The following GTF2F2 variants were observed in gnomAD, a reference collection of about 807,000 sequenced individuals.
The protein encoded by GTF2F2 is ATP-dependent helicase GTF2F2.
Under a neutral mutation model 42.2 loss-of-function variants are expected in GTF2F2, and 23 were observed. The observed-to-expected ratio is 0.55, with a 90% CI of 0.39 to 0.77. GTF2F2 has a LOEUF of 0.77. Ranked by LOEUF, GTF2F2 falls within the 30% of genes least tolerant of loss-of-function variation. The pLI, the probability that GTF2F2 is intolerant of heterozygous loss-of-function variation, is 0.00. For synonymous variants in GTF2F2, 105 were observed against 100.8 expected (o/e 1.04, Z -0.25); for missense variants, 261 against 287.2 (o/e 0.91, Z 0.66).
intron 6 of GTF2F2, among the ~76,000 whole-genome samples, chr13:45,254,936 G>A (rs1292912226): frequency 1.3e-5 from 2 of 152,042 alleles, no homozygotes; most frequent in Non-Finnish European, 2.9e-5. Flanking sequence ...GGAGGCCAAG[G>A]CAGGTGGATC....
At chr13:45,236,086 C>A (rs1159946441) in intron 5 of GTF2F2, among the ~76,000 whole-genome samples, 4 of 152,082 alleles carry the variant, frequency 2.6e-5, no homozygotes, top group Non-Finnish European at 4.4e-5. Flanking sequence ...ATTCATTTCC[C>A]AAGTATTTCT....
intron 5 of GTF2F2, among the ~76,000 whole-genome samples, chr13:45,216,931 A>G (rs895534732): frequency 4.6e-5 from 7 of 152,002 alleles, no homozygotes; most frequent in African/African-American, 1.7e-4. Context: ...AAAGCCAGCC[A>G]TTTTCACTCT....
chr13:45,130,623 A>G (rs1372397318), intron 1 of GTF2F2, among the ~76,000 whole-genome samples: 6 of 152,182 alleles, frequency 3.9e-5, no homozygotes, highest in Non-Finnish European at 7.3e-5. Context: ...ATCTGAAGAT[A>G]TTGACAGGAT....
chr13:45,267,227 A>G lies in GTF2F2; in HGVS notation c.487-6A>G, dbSNP rs938099752. 1.2e-6 allele frequency: 2 copies of G among 1,609,424 alleles called. No homozygotes were observed. Among genetic ancestry groups the G allele is most frequent in the Non-Finnish European group, 1.7e-6 (2 of 1,176,864 alleles). ...TGCTTTTATTTCCTTTGCTGTTTGC[A>G]TATAGATCGAATATGAAAGGAAAAA... On this transcript the variant is annotated splice_region_variant and splice_polypyrimidine_tract_variant and intron_variant, in intron 6 of 7. Coordinates refer to ENST00000340473, the MANE Select transcript of GTF2F2 (RefSeq NM_004128.3).
At chr13:45,265,252 C>G (rs993151466) in intron 6 of GTF2F2, among the ~76,000 whole-genome samples, 1 of 150,454 alleles carries the variant, frequency 6.6e-6, no homozygotes, top group African/African-American at 2.4e-5. Flanking sequence ...GAGTGAGACA[C>G]CATTTCAAAA....
intron 5 of GTF2F2, among the ~76,000 whole-genome samples, chr13:45,218,307 C>T (rs1873971720): frequency 6.6e-6 from 1 of 152,246 alleles, no homozygotes; most frequent in South Asian, 2.1e-4. Context: ...CAGTCACTGA[C>T]TAGCCCATAT....
At chr13:45,163,281 G>T (rs545981594) in intron 4 of GTF2F2, among the ~76,000 whole-genome samples, 61 of 152,112 alleles carry the variant, frequency 4.0e-4, no homozygotes, top group Middle Eastern at 3.4e-3. Flanking sequence ...GGAAGAACTT[G>T]GTTTCTTTGT....
intron 6 of GTF2F2, 36 bp downstream of exon 6, chr13:45,253,006 A>G: frequency 2.3e-6 from 2 of 858,380 alleles, no homozygotes; most frequent in Non-Finnish European, 3.6e-6. Flanking sequence ...ATTCTTTTAT[A>G]TCTTCATTCT....
In GTF2F2 at chr13:45,143,916, G is replaced by C. The variant is rs796768590; in HGVS notation, c.141-5854G>C. ...AAACCAATGTACCTGGATTATTTTT[G>C]TATCTTTGGACATCTGATGTGTGCC... On this transcript the variant is annotated intron_variant, in intron 2 of 7. Coordinates refer to ENST00000340473, the MANE Select transcript of GTF2F2 (RefSeq NM_004128.3). 7.2e-5 allele frequency among the ~76,000 whole-genome samples: 11 copies of C among 152,202 alleles called. 1 individual carries two copies. The highest frequency in any genetic ancestry group is 2.6e-4 in the African/African-American group (11 of 41,538).
chr13:45,125,568 C>G (rs1868948174), intron 1 of GTF2F2, among the ~76,000 whole-genome samples: 2 of 152,086 alleles, frequency 1.3e-5, no homozygotes, highest in Admixed American at 6.5e-5. Flanking sequence ...GTGATCTGCC[C>G]GTCTCGGCCT....
At chr13:45,279,193 G>A (rs1235953878) in intron 7 of GTF2F2, among the ~76,000 whole-genome samples, 6 of 152,168 alleles carry the variant, frequency 3.9e-5, no homozygotes, top group African/African-American at 1.4e-4. Flanking sequence ...GGAAGACTGA[G>A]TGTCTACCAT....
rs75348128 is a variant in GTF2F2 at position 45,281,238 on chromosome 13, C to T, written c.631-2204C>T. Among the ~76,000 whole-genome samples, 101 of 152,272 alleles carry T rather than the reference C, an allele frequency of 6.6e-4. 2 individuals are homozygous for T. In the East Asian group the frequency reaches 0.017, roughly 26 times the overall value. ...AACCCAGGGCTCATTTGGTTCATTG[C>T]TGCCATCTGCTGGGGCTTGGCTGCT... On this transcript the variant is annotated intron_variant, in intron 7 of 7. Coordinates refer to ENST00000340473, the MANE Select transcript of GTF2F2 (RefSeq NM_004128.3).
At chr13:45,257,524 T>G (rs377163326) in intron 6 of GTF2F2, among the ~76,000 whole-genome samples, 1 of 152,228 alleles carries the variant, frequency 6.6e-6, no homozygotes, top group African/African-American at 2.4e-5. Flanking sequence ...TACTCAAGAT[T>G]AGTAAGCTTT....
intron 5 of GTF2F2, among the ~76,000 whole-genome samples, chr13:45,250,732 A>G (rs1040189431): frequency 2.6e-5 from 4 of 152,166 alleles, no homozygotes; most frequent in Admixed American, 2.6e-4. Flanking sequence ...TTAAAGTCCT[A>G]TGAAGGAACT....
intron 4 of GTF2F2, among the ~76,000 whole-genome samples, chr13:45,190,154 A>C (rs1274014838): frequency 5.9e-5 from 9 of 152,206 alleles, no homozygotes; most frequent in Admixed American, 3.9e-4. Context: ...ACAAATCTAC[A>C]AGAAAAAAAC....
chr13:45,138,226 T>G (rs959455345), intron 2 of GTF2F2, among the ~76,000 whole-genome samples: 24 of 152,188 alleles, frequency 1.6e-4, no homozygotes, highest in African/African-American at 5.3e-4. Context: ...TTCTTTCCTT[T>G]TCTCTCTTTT....
chr13:45,180,061 C>T (rs150605963), intron 4 of GTF2F2, among the ~76,000 whole-genome samples: 27 of 152,114 alleles, frequency 1.8e-4, no homozygotes, highest in African/African-American at 5.3e-4. Context: ...TTCTCTGTTA[C>T]GAAAATTTTG....
At chr13:45,124,690 G>T (rs1381365838) in intron 1 of GTF2F2, among the ~76,000 whole-genome samples, 1 of 152,150 alleles carries the variant, frequency 6.6e-6, no homozygotes, top group East Asian at 1.9e-4. Context: ...TCAGCCTCCC[G>T]AATAGCTGGG....
chr13:45,229,475 G>A (rs1238856376), intron 5 of GTF2F2, among the ~76,000 whole-genome samples: 1 of 152,164 alleles, frequency 6.6e-6, no homozygotes, highest in Non-Finnish European at 1.5e-5. Flanking sequence ...TCTTTAAGCT[G>A]TTGGGAGATG....
Sources: allele counts gnomAD v4.1 joint callset (sites outside exome capture counted in the v4.1 genomes callset), GRCh38; gene constraint gnomAD v4.1.1; transcripts MANE v1.5; gene names NCBI Gene and HGNC (gene_info 2026-07-23, HGNC 2026-07-21).